CWC27: variants seen among roughly 807,000 people sequenced by gnomAD.
The protein encoded by CWC27 is spliceosome-associated protein CWC27 homolog.
Under a neutral mutation model 63.6 loss-of-function variants are expected in CWC27, and 47 were observed. That is an observed-to-expected ratio of 0.74 (90% confidence interval 0.58 to 0.94). The LOEUF is 0.94. Ranked by LOEUF, CWC27 falls within the 40% of genes least tolerant of loss-of-function variation. The pLI is 0.00. For synonymous variants in CWC27, 175 were observed against 179.8 expected, an observed-to-expected ratio of 0.97 and a Z score of 0.22; for missense variants, 495 against 554.3, an observed-to-expected ratio of 0.89 and a Z score of 1.07.
chr5:64,905,200 CAAAAAAAAAAA>C (rs71608574), intron 11 of CWC27, among the ~76,000 whole-genome samples: 2 of 55,550 alleles, frequency 3.6e-5, no homozygotes, highest in African/African-American at 6.8e-5. Flanking sequence ...CACTACATCT[CAAAAAAAAAAA>C]AAAAAAAAAA....
chr5:64,880,752 G>A (rs1746913906), intron 10 of CWC27, among the ~76,000 whole-genome samples: 1 of 150,886 alleles, frequency 6.6e-6, no homozygotes, highest in African/African-American at 2.4e-5. Flanking sequence ...AATATCTGGT[G>A]GATAAATGCT....
At chr5:64,799,026 G>A (rs551348589) in intron 7 of CWC27, among the ~76,000 whole-genome samples, 73 of 152,260 alleles carry the variant, frequency 4.8e-4, no homozygotes, top group African/African-American at 1.7e-3. Context: ...AAACCAGGCC[G>A]GTATTCTGGG....
At chr5:64,785,335 T>C in intron 4 of CWC27, 146 bp from the exon 5 acceptor site, 1 of 408,184 alleles carries the variant, frequency 2.4e-6, no homozygotes, top group East Asian at 3.8e-5. Flanking sequence ...ATAAAGTTGC[T>C]TTATTTGCAT....
chr5:64,960,826 T>A (rs1748893329), intron 11 of CWC27, among the ~76,000 whole-genome samples: 1 of 152,046 alleles, frequency 6.6e-6, no homozygotes, highest in African/African-American at 2.4e-5. Flanking sequence ...TTGTTCAGGC[T>A]GGCTTTGAAC....
Position 64,878,470 on chromosome 5 carries a change from TAAAAAAA to T in CWC27, c.939-6949_939-6943del, listed in dbSNP as rs397998002. On this transcript the variant is annotated intron_variant, in intron 10 of 13. Transcript: ENST00000381070. The stretch of plus-strand genomic sequence containing the variant: ...GTCAGCACTGTCCTGGGTTACAGAT[TAAAAAAA>T]AAAAAAAAAAAAAAAAAAAAAAAGC... Among the ~76,000 whole-genome samples, 157 of 26,920 alleles carry T rather than the reference TAAAAAAA, an allele frequency of 5.8e-3. 2 individuals are homozygous for T. Among genetic ancestry groups the T allele is most frequent in the Non-Finnish European group, 8.3e-3 (117 of 14,090 alleles). 17.7% of individuals were successfully genotyped at this position (26,920 alleles called of 152,430 possible).
rs140377268 is a variant in CWC27, at chr5:64,818,876, G to A, written c.938+14490G>A. ...ATTTTAGTGAAGTTTTAAAAATTAT[G>A]TTTTGTTCCTTTTATTGTTTTAGCC... On this transcript the variant is annotated intron_variant, in intron 10 of 13. Coordinates refer to ENST00000381070, the MANE Select transcript of CWC27 (RefSeq NM_005869.4). Among the ~76,000 whole-genome samples, 609 of 152,208 alleles carry A rather than the reference G, an allele frequency of 4.0e-3. 2 individuals are homozygous for A. Among genetic ancestry groups the A allele is most frequent in the African/African-American group, 0.014 (568 of 41,554 alleles).
chr5:64,809,409 C>T (rs1744799612), intron 10 of CWC27, among the ~76,000 whole-genome samples: 1 of 152,090 alleles, frequency 6.6e-6, no homozygotes, highest in Admixed American at 6.6e-5. Flanking sequence ...GCTCTGTTGC[C>T]CAGGCTGGAG....
At chr5:64,958,463 GT>G (rs1356890522) in intron 11 of CWC27, among the ~76,000 whole-genome samples, 1 of 152,088 alleles carries the variant, frequency 6.6e-6, no homozygotes, top group African/African-American at 2.4e-5. Flanking sequence ...CAAATTTTAT[GT>G]TGTGATTCTA....
At chr5:64,900,231 C>T (rs1420411837) in intron 11 of CWC27, among the ~76,000 whole-genome samples, 1 of 152,170 alleles carries the variant, frequency 6.6e-6, no homozygotes, top group Non-Finnish European at 1.5e-5. Context: ...GTTAACACTT[C>T]GTGTGGTCAC....
At chr5:64,888,772 T>C (rs1289775431) in intron 11 of CWC27, among the ~76,000 whole-genome samples, 1 of 151,862 alleles carries the variant, frequency 6.6e-6, no homozygotes, top group African/African-American at 2.4e-5. Context: ...CATCTACCAA[T>C]AGATGCTAAA....
At chr5:64,982,623 A>G (rs892126661) in intron 13 of CWC27, among the ~76,000 whole-genome samples, 1 of 152,002 alleles carries the variant, frequency 6.6e-6, no homozygotes, top group African/African-American at 2.4e-5. Context: ...CTTCATTCCA[A>G]CAGGACATTG....
chr5:64,898,642 G>T (rs1747434277), intron 11 of CWC27, among the ~76,000 whole-genome samples: 1 of 151,926 alleles, frequency 6.6e-6, no homozygotes, highest in Non-Finnish European at 1.5e-5. Context: ...TACAAAAGAA[G>T]TTGCTGTTAA....
At chr5:64,983,908 G>A (rs1192530836) in intron 13 of CWC27, among the ~76,000 whole-genome samples, 5 of 152,160 alleles carry the variant, frequency 3.3e-5, no homozygotes, top group Non-Finnish European at 7.4e-5. Flanking sequence ...TTGGCTCACT[G>A]CAACCTGTGC....
intron 10 of CWC27, among the ~76,000 whole-genome samples, chr5:64,826,399 T>C (rs1005130954): frequency 2.0e-5 from 3 of 152,190 alleles, no homozygotes; most frequent in African/African-American, 7.2e-5. Flanking sequence ...TTGAGACTTG[T>C]TTTTTGTCCC....
intron 11 of CWC27, among the ~76,000 whole-genome samples, chr5:64,917,564 T>G (rs1304662636): frequency 6.6e-6 from 1 of 152,156 alleles, no homozygotes; most frequent in Admixed American, 6.5e-5. Flanking sequence ...AAATTGGCAT[T>G]TGAATTGGTA....
chr5:64,996,230 A>C (rs919028857), intron 13 of CWC27, among the ~76,000 whole-genome samples: 20 of 152,152 alleles, frequency 1.3e-4, no homozygotes, highest in African/African-American at 4.3e-4. Flanking sequence ...ATGTATCCCC[A>C]GGACATCTAG....
chr5:64,884,951 T>C (rs1294996395), intron 10 of CWC27, among the ~76,000 whole-genome samples: 1 of 152,154 alleles, frequency 6.6e-6, no homozygotes, highest in Non-Finnish European at 1.5e-5. Context: ...AAAACTTGGG[T>C]TTAAAAATCA....
intron 7 of CWC27, among the ~76,000 whole-genome samples, chr5:64,789,463 T>C (rs1032173580): frequency 6.6e-6 from 1 of 152,276 alleles, no homozygotes; most frequent in South Asian, 2.1e-4. Context: ...ATTATCATCC[T>C]CATTTTACTC....
At chr5:64,922,812 A>G (rs73107276) in intron 11 of CWC27, among the ~76,000 whole-genome samples, 2,229 of 152,110 alleles carry the variant, frequency 0.015, 54 homozygotes, top group African/African-American at 0.051. Context: ...TATGATCTTC[A>G]TTGTCCTTGA....
Sources: gnomAD v4.1 joint callset for allele counts (sites outside exome capture counted in the v4.1 genomes callset) on GRCh38, gnomAD v4.1.1 for gene constraint, MANE v1.5 for transcripts, NCBI Gene and HGNC (gene_info 2026-07-23, HGNC 2026-07-21) for gene names.